The following ADCY9 variants were observed in gnomAD, a reference collection of about 807,000 sequenced individuals.
ADCY9 encodes adenylate cyclase type 9.
ADCY9 carries 50 observed loss-of-function variants against 101.5 expected under a neutral mutation model. The observed-to-expected ratio is 0.49, with a 90% CI of 0.39 to 0.62. The LOEUF (loss-of-function observed/expected upper bound fraction) is 0.62, where lower values mean the gene tolerates loss of function less well. Ranked by LOEUF, ADCY9 falls within the 20% of genes least tolerant of loss-of-function variation. ADCY9 has a pLI of 0.00. For synonymous variants in ADCY9, 905 were observed against 769.3 expected, an observed-to-expected ratio of 1.18 and a Z score of -2.92; for missense variants, 1,662 against 1,800.4, an observed-to-expected ratio of 0.92 and a Z score of 1.39.
intron 2 of ADCY9, among the ~76,000 whole-genome samples, chr16:4,097,473 T>TAC (rs1567146814): frequency 2.4e-5 from 1 of 42,512 alleles, no homozygotes; most frequent in African/African-American, 5.7e-5. Flanking sequence ...TATATATATA[T>TAC]ATATATATAT....
intron 2 of ADCY9, among the ~76,000 whole-genome samples, chr16:4,077,690 G>C (rs1169820391): frequency 2.0e-5 from 3 of 152,012 alleles, no homozygotes; most frequent in Non-Finnish European, 2.9e-5. Flanking sequence ...AAAATCTAAG[G>C]CTATCTGATT....
chr16:4,001,809 A>T (rs1327743027), intron 3 of ADCY9, among the ~76,000 whole-genome samples: 1 of 150,366 alleles, frequency 6.7e-6, no homozygotes, highest in African/African-American at 2.5e-5. Context: ...GAGGGCAGTG[A>T]CATGATCTCA....
At chr16:4,021,239 G>C (rs1037512844) in intron 2 of ADCY9, among the ~76,000 whole-genome samples, 1 of 152,156 alleles carries the variant, frequency 6.6e-6, no homozygotes, top group Non-Finnish European at 1.5e-5. Context: ...AACCGCATTG[G>C]GCTTGAATGT....
intron 2 of ADCY9, among the ~76,000 whole-genome samples, chr16:4,023,858 C>A (rs185755126): frequency 6.6e-6 from 1 of 151,672 alleles, no homozygotes; most frequent in Admixed American, 6.6e-5. Context: ...TGCAGTGGGC[C>A]GAGATTACGC....
At chr16:3,969,328 A>G (rs2056026816) in intron 10 of ADCY9, among the ~76,000 whole-genome samples, 1 of 149,532 alleles carries the variant, frequency 6.7e-6, no homozygotes, top group Admixed American at 6.7e-5. Context: ...GCTCACTGCA[A>G]CCTCCACCTC....
chr16:4,090,467 T>C (rs533404902), intron 2 of ADCY9, among the ~76,000 whole-genome samples: 1 of 152,188 alleles, frequency 6.6e-6, no homozygotes, highest in East Asian at 1.9e-4. Flanking sequence ...GCTTTTTCTG[T>C]GGCCAACGCT....
At position 4,088,633 on chromosome 16, in the gene ADCY9, C is replaced by A. The variant is rs972706170; in HGVS notation, c.1693+25117G>T. Among the ~76,000 whole-genome samples the A allele has an allele frequency of 3.3e-5, 5 of 152,004 alleles. 1 individual carries two copies. The highest frequency in any genetic ancestry group is 5.9e-5 in the Non-Finnish European group (4 of 67,976). On this transcript the variant is annotated intron_variant, in intron 2 of 10. Transcript: ENST00000294016. Reference sequence around the variant, plus strand: ...GAACAAGATCCTGAAGCTCGGTGATCACCTCAGGATCTCTGTCCCTCCTAA... The same window carrying A: ...GAACAAGATCCTGAAGCTCGGTGATAACCTCAGGATCTCTGTCCCTCCTAA...
At chr16:4,093,505 CTCAA>C (rs1168876832) in intron 2 of ADCY9, among the ~76,000 whole-genome samples, 4 of 152,178 alleles carry the variant, frequency 2.6e-5, no homozygotes, top group East Asian at 1.9e-4. Context: ...ATGGCTAAAT[CTCAA>C]TCAAAGTATA....
chr16:3,989,164 T>C (rs531225194), intron 5 of ADCY9, 68 bp from the exon 6 acceptor site: 2 of 1,224,860 alleles, frequency 1.6e-6, no homozygotes, highest in East Asian at 4.7e-5. Context: ...TTTCAGATCA[T>C]AATTAGCTAC....
At chr16:3,996,197 CT>C (rs1597153457) in intron 3 of ADCY9, among the ~76,000 whole-genome samples, 1 of 152,132 alleles carries the variant, frequency 6.6e-6, no homozygotes, top group East Asian at 1.9e-4. Flanking sequence ...CTTGTCTCTA[CT>C]AAAAATAAAA....
chr16:4,097,487 T>TATATATATATATACACACACAC (rs76750792), intron 2 of ADCY9, among the ~76,000 whole-genome samples: 23 of 72,482 alleles, frequency 3.2e-4, no homozygotes, highest in South Asian at 9.4e-4. Context: ...TATATATATA[T>TATATATATATATACACACACAC]ACACACACAC....
Position 4,027,538 on chromosome 16 carries a change from G to A in ADCY9, c.1694-19980C>T, listed in dbSNP as rs546015367. On this transcript the variant is annotated intron_variant, in intron 2 of 10. Coordinates refer to ENST00000294016, the MANE Select transcript of ADCY9 (RefSeq NM_001116.4). Reference sequence around the variant, plus strand: ...AGGAGCAAGTCACGTCTTCCATGACGGCAGGGAAGAGAGAGAGTGTGTGCA... The same window carrying A: ...AGGAGCAAGTCACGTCTTCCATGACAGCAGGGAAGAGAGAGAGTGTGTGCA... 5.3e-5 allele frequency among the ~76,000 whole-genome samples: 8 copies of A among 152,330 alleles called. No homozygotes were observed. The East Asian group carries it at 7.7e-4, about 15-fold the overall frequency.
At chr16:4,088,494 G>C (rs2056953722) in intron 2 of ADCY9, among the ~76,000 whole-genome samples, 1 of 151,936 alleles carries the variant, frequency 6.6e-6, no homozygotes, top group Non-Finnish European at 1.5e-5. Flanking sequence ...TTCACCATGT[G>C]AACCAGGCTG....
chr16:3,983,058 G>C (rs2056157552), intron 7 of ADCY9, 174 bp downstream of exon 7: 1 of 665,722 alleles, frequency 1.5e-6, no homozygotes, highest in Middle Eastern at 4.2e-4. Context: ...GCCAACGTCA[G>C]GGAGGGAGGA....
At chr16:4,097,542 TATATATATA>T (rs1252298581) in intron 2 of ADCY9, among the ~76,000 whole-genome samples, 2 of 49,778 alleles carry the variant, frequency 4.0e-5, no homozygotes, top group African/African-American at 2.5e-4. Flanking sequence ...TATATATATA[TATATATATA>T]TATTTTTTTT....
At chr16:3,986,963 G>C (rs151247428) in intron 6 of ADCY9, among the ~76,000 whole-genome samples, 279 of 152,338 alleles carry the variant, frequency 1.8e-3, no homozygotes, top group Middle Eastern at 0.017. Context: ...TGGCATGGGA[G>C]CCGTGACCTG....
chr16:4,097,487 T>TATATATATATACATACACACAC (rs76750792), intron 2 of ADCY9, among the ~76,000 whole-genome samples: 2 of 72,508 alleles, frequency 2.8e-5, no homozygotes, highest in Non-Finnish European at 5.3e-5. Flanking sequence ...TATATATATA[T>TATATATATATACATACACACAC]ACACACACAC....
intron 2 of ADCY9, among the ~76,000 whole-genome samples, chr16:4,110,171 G>A (rs1000054856): frequency 1.3e-5 from 2 of 152,156 alleles, no homozygotes; most frequent in Admixed American, 6.5e-5. Flanking sequence ...CAGGTCAGAC[G>A]CGCCCCAAAG....
At position 3,966,210 on chromosome 16, in the gene ADCY9, G is replaced by C. The variant is rs754871847; in HGVS notation, c.3627C>G (p.Ser1209Arg). The change falls in exon 11 of 11, where the codon AGC becomes AGG. Residue 1209 changes from serine to arginine, a missense_variant. By Grantham distance (110) the Ser-to-Arg change is moderately radical (BLOSUM62 -1). Transcript: ENST00000294016. ...TGCTCAAGACGCGGTAGCTCTCTTC[G>C]CTCACCTGGATGCGGCACTCCACGC... ...TTGVECRIQV[S>R]EESYRVLSKM... is the part of the protein sequence containing the mutation. 4 of 1,614,186 alleles carry C rather than the reference G, an allele frequency of 2.5e-6. No homozygotes were observed. The highest frequency in any genetic ancestry group is 3.4e-6 in the Non-Finnish European group (4 of 1,180,044).
Sources: gnomAD v4.1 joint callset for allele counts (sites outside exome capture counted in the v4.1 genomes callset) on GRCh38, gnomAD v4.1.1 for gene constraint, MANE v1.5 for transcripts, NCBI Gene and HGNC (gene_info 2026-07-23, HGNC 2026-07-21) for gene names.